The following SPOCK1 variants were observed in gnomAD, a reference collection of about 807,000 sequenced individuals.
SPOCK1 encodes the protein testican-1.
In SPOCK1, 23 loss-of-function variants were observed where a neutral mutation model predicts 55.3. The observed-to-expected ratio is 0.42, with a 90% confidence interval of 0.30 to 0.59. The LOEUF is 0.59. SPOCK1 is among the 20% of genes least tolerant of loss of function. The pLI, the probability that SPOCK1 is intolerant of heterozygous loss-of-function variation, is 0.22. For missense variants in SPOCK1, 499 were observed against 552.5 expected (o/e 0.90, Z 0.97); for synonymous variants, 226 against 221.0 (o/e 1.02, Z -0.20).
chr5:137,142,206 G>A (rs995914529), intron 3 of SPOCK1, among the ~76,000 whole-genome samples: 1 of 152,138 alleles, frequency 6.6e-6, no homozygotes, highest in African/African-American at 2.4e-5. Context: ...AAATGACATG[G>A]TCAAAAAACC....
intron 2 of SPOCK1, among the ~76,000 whole-genome samples, chr5:137,391,656 C>T (rs1317653933): frequency 6.6e-6 from 1 of 152,100 alleles, no homozygotes; most frequent in African/African-American, 2.4e-5. Context: ...GGTCCTTCCA[C>T]ACGTCTCTCC....
intron 3 of SPOCK1, among the ~76,000 whole-genome samples, chr5:137,253,335 A>G (rs1649123383): frequency 6.6e-6 from 1 of 152,210 alleles, no homozygotes; most frequent in African/African-American, 2.4e-5. Flanking sequence ...TGTATTTGCA[A>G]TGAATGAGGC....
intron 2 of SPOCK1, among the ~76,000 whole-genome samples, chr5:137,289,259 A>C (rs28521375): frequency 0.14 from 21,603 of 152,258 alleles, 1,740 homozygotes; most frequent in Admixed American, 0.2. Context: ...TATGTATTTT[A>C]ACCCTTACCT....
chr5:137,049,358 C>T (rs1752161279), intron 6 of SPOCK1, among the ~76,000 whole-genome samples: 1 of 138,562 alleles, frequency 7.2e-6, no homozygotes, highest in Non-Finnish European at 1.5e-5. Context: ...TCTGTTTTCT[C>T]TAAACTTCCC....
intron 6 of SPOCK1, among the ~76,000 whole-genome samples, chr5:137,059,834 C>G (rs561997226): frequency 2.3e-4 from 35 of 152,232 alleles, no homozygotes; most frequent in Middle Eastern, 3.4e-3. Flanking sequence ...ACATGGCCAA[C>G]AAGCATATGA....
intron 2 of SPOCK1, among the ~76,000 whole-genome samples, chr5:137,341,533 C>G (rs1264971555): frequency 3.3e-5 from 5 of 152,208 alleles, no homozygotes; most frequent in African/African-American, 1.2e-4. Flanking sequence ...ATTGTGCCTA[C>G]TAGCACAGAA....
intron 3 of SPOCK1, among the ~76,000 whole-genome samples, chr5:137,238,983 T>C (rs889421503): frequency 6.6e-6 from 1 of 152,222 alleles, no homozygotes; most frequent in Non-Finnish European, 1.5e-5. Context: ...AAGCATCTTT[T>C]GGTATTCACA....
chr5:137,222,360 G>A (rs944182917), intron 3 of SPOCK1, among the ~76,000 whole-genome samples: 9 of 152,122 alleles, frequency 5.9e-5, no homozygotes, highest in African/African-American at 2.2e-4. Context: ...AGCTTAAGTG[G>A]GAACAAAGGC....
chr5:136,988,916 T>C (rs1750895926), intron 7 of SPOCK1: 1 of 304,778 alleles, frequency 3.3e-6, no homozygotes, highest in East Asian at 5.4e-5. Context: ...GATATAAATA[T>C]GTGTTTTCAT....
chr5:137,131,989 A>AAAAAAAAAT (rs1391176339), intron 4 of SPOCK1, among the ~76,000 whole-genome samples: 7 of 36,058 alleles, frequency 1.9e-4, no homozygotes, highest in African/African-American at 1.1e-3. Context: ...AAAAAAAAAA[A>AAAAAAAAAT]ATATATATAT....
Position 136,978,721 on chromosome 5 carries a change from C to T in SPOCK1, c.1253G>A (p.Arg418Gln), listed in dbSNP as rs200097317. 141 of 1,614,048 alleles carry T rather than the reference C, an allele frequency of 8.7e-5. 2 individuals are homozygous for T. The East Asian group carries it at 3.0e-3, about 34-fold the overall frequency. The change falls in exon 11 of 11, where the codon CGA (arginine) becomes CAA (glutamine). Residue 418 changes from arginine to glutamine, a missense_variant. Around this residue, in one of 3 missense-constraint regions of SPOCK1, gnomAD observed 83 missense variants for 87.5 expected, o/e 0.95. Coordinates refer to ENST00000394945, the MANE Select transcript of SPOCK1 (RefSeq NM_004598.4). ...ATCCTCATCATCCTCTGTCACGGCT[C>T]GGGTGTGCACCCTCAGCTTCCCCTC... ...DKEGKLRVHT[R>Q]AVTEDDEDED...
chr5:137,196,382 G>A (rs1366256408), intron 3 of SPOCK1, among the ~76,000 whole-genome samples: 1 of 152,160 alleles, frequency 6.6e-6, no homozygotes, highest in African/African-American at 2.4e-5. Context: ...ATTGCTGCTA[G>A]GATGAGGACA....
intron 2 of SPOCK1, among the ~76,000 whole-genome samples, chr5:137,424,779 A>C (rs938925499): frequency 2.6e-5 from 4 of 152,252 alleles, no homozygotes; most frequent in Non-Finnish European, 5.9e-5. Flanking sequence ...TTATACATAA[A>C]ATTTATCTAC....
intron 3 of SPOCK1, among the ~76,000 whole-genome samples, chr5:137,234,611 T>C (rs1023056938): frequency 1.3e-5 from 2 of 152,228 alleles, no homozygotes; most frequent in Admixed American, 6.5e-5. Flanking sequence ...GTGAGTGAGA[T>C]ATTTCTTTCA....
chr5:137,339,886 G>A (rs1413176178), intron 2 of SPOCK1, among the ~76,000 whole-genome samples: 2 of 152,100 alleles, frequency 1.3e-5, no homozygotes, highest in Non-Finnish European at 2.9e-5. Flanking sequence ...CTGCTAACCT[G>A]GGGACAGCAC....
At chr5:137,029,402 C>T (rs1208147980) in intron 6 of SPOCK1, among the ~76,000 whole-genome samples, 1 of 152,200 alleles carries the variant, frequency 6.6e-6, no homozygotes, top group Non-Finnish European at 1.5e-5. Context: ...ACTTATATGA[C>T]TTGGTTAATA....
intron 6 of SPOCK1, among the ~76,000 whole-genome samples, chr5:137,059,150 A>G (rs1274037780): frequency 1.1e-5 from 1 of 90,954 alleles, no homozygotes; most frequent in African/African-American, 3.5e-5. Flanking sequence ...GTTTGATTTT[A>G]GACATTAAGC....
At chr5:137,337,394 A>C (rs1314032010) in intron 2 of SPOCK1, among the ~76,000 whole-genome samples, 2 of 152,202 alleles carry the variant, frequency 1.3e-5, no homozygotes, top group Admixed American at 6.5e-5. Context: ...TTCCTTAAAC[A>C]CATACTTCCT....
chr5:137,239,504 A>G (rs528277708), intron 3 of SPOCK1, among the ~76,000 whole-genome samples: 2 of 152,356 alleles, frequency 1.3e-5, no homozygotes, highest in Admixed American at 1.3e-4. Context: ...GCCAGTCATC[A>G]GAGGTATGGG....
Sources: allele counts gnomAD v4.1 joint callset (sites outside exome capture counted in the v4.1 genomes callset), GRCh38; gene constraint gnomAD v4.1.1; regional missense constraint gnomAD v4.1.1; transcripts MANE v1.5; gene names NCBI Gene and HGNC (gene_info 2026-07-23, HGNC 2026-07-21).